ARHGAP39: variants seen among roughly 807,000 people sequenced by gnomAD.
ARHGAP39 encodes Rho GTPase activating protein 39.
In ARHGAP39, 44 loss-of-function variants were observed where a neutral mutation model predicts 106.9. The observed-to-expected ratio is 0.41, with a 90% CI of 0.32 to 0.53. The LOEUF (loss-of-function observed/expected upper bound fraction) is 0.53. Among genes scored for constraint, ARHGAP39 ranks in the 20% least tolerant of loss-of-function variants. The pLI is 0.21. For synonymous variants in ARHGAP39, 768 were observed against 693.2 expected, an observed-to-expected ratio of 1.11 and a Z score of -1.69; for missense variants, 1,496 against 1,577.3, an observed-to-expected ratio of 0.95 and a Z score of 0.87.
At chr8:144,583,825 T>C (rs1015871618) in intron 2 of ARHGAP39, among the ~76,000 whole-genome samples, 1 of 152,252 alleles carries the variant, frequency 6.6e-6, no homozygotes, top group African/African-American at 2.4e-5. Context: ...ATTATCTTCC[T>C]ATAAAATGGT....
In ARHGAP39 at chr8:144,580,878, C is replaced by G. The variant is rs117042905; in HGVS notation, c.480G>C (p.Ala160=). The change falls in exon 3 of 12, where the codon GCG becomes GCC. Residue 160 remains alanine (A), a synonymous_variant. Transcript: ENST00000377307. The part of the protein sequence containing the change: ...QELPARAGRP[A]AFGTVKEDSG... ...TGTCCTCCTTCACTGTCCCAAACGC[C>G]GCGGGCCGCCCGGCCCTCGCTGGCA... is the stretch of plus-strand genomic sequence containing the variant. The G allele has an allele frequency of 3.0e-5, 47 of 1,584,218 alleles. No individual in the cohort carries two copies. Among genetic ancestry groups the G allele is most frequent in the Non-Finnish European group, 3.9e-5 (46 of 1,171,222 alleles).
rs1419102486 is a variant in ARHGAP39 at position 144,646,899 on chromosome 8, G to C, written c.-82+38787C>G. On this transcript the variant is annotated intron_variant, in intron 1 of 11. Transcript: ENST00000377307. This position sits in a 1 kb window ranked among gnomAD's most constrained non-coding sequence, Gnocchi z 5.7. ...GAGGGCCCCAGTGCCCTGTGGTTGG[G>C]GTGGTGTTTCCTTCTGTCTCTCTCC... is the stretch of plus-strand genomic sequence containing the variant. Among the ~76,000 whole-genome samples the C allele has an allele frequency of 6.6e-6, 1 of 152,190 alleles. No individual in the cohort carries two copies. Among genetic ancestry groups the C allele is most frequent in the Non-Finnish European group, 1.5e-5 (1 of 68,030 alleles).
chr8:144,553,170 C>T lies in ARHGAP39; in HGVS notation c.596+2390G>A, dbSNP rs368583253. On this transcript the variant is annotated intron_variant, in intron 4 of 11. Transcript: ENST00000377307. ...AGCTGAGGATGGGATCTCCCACGAG[C>T]GGCCACAATGGGACCCTGGCACACT... Among the ~76,000 whole-genome samples the T allele has an allele frequency of 3.3e-4, 51 of 152,296 alleles. 1 individual carries two copies. The highest frequency in any genetic ancestry group is 1.6e-3 in the Admixed American group (25 of 15,310).
rs952071319 is a variant in ARHGAP39 at position 144,597,293 on chromosome 8, G to A, written c.80+8242C>T. On this transcript the variant is annotated intron_variant, in intron 2 of 11. Coordinates refer to ENST00000377307, the MANE Select transcript of ARHGAP39 (RefSeq NM_025251.3). Reference sequence around the variant, plus strand: ...ACCTCATCAAATCCCAGGACACTCTGCACCAGCAGCCACACCGCCCTACGC... The same window carrying A: ...ACCTCATCAAATCCCAGGACACTCTACACCAGCAGCCACACCGCCCTACGC... Among the ~76,000 whole-genome samples, 22 of 152,328 alleles carry A rather than the reference G, an allele frequency of 1.4e-4. No homozygotes were observed. In the East Asian group the frequency reaches 4.0e-3, roughly 28 times the overall value.
intron 1 of ARHGAP39, among the ~76,000 whole-genome samples, chr8:144,640,841 C>T (rs901688155): frequency 2.6e-5 from 4 of 152,252 alleles, no homozygotes; most frequent in African/African-American, 9.6e-5. Context: ...ATTAGATAAG[C>T]GTCCCACGAA....
chr8:144,630,759 G>T (rs1198183336), intron 1 of ARHGAP39, among the ~76,000 whole-genome samples: 1 of 152,272 alleles, frequency 6.6e-6, no homozygotes, highest in East Asian at 1.9e-4. Context: ...AGAGGTGCCA[G>T]TGAGGAGCTG....
rs574532445 is a variant in ARHGAP39 at position 144,580,836 on chromosome 8, C to T, written c.512+10G>A. The T allele has an allele frequency of 7.2e-6, 11 of 1,535,682 alleles. No individual in the cohort carries two copies. The African/African-American group carries it at 1.5e-4, about 21-fold the overall frequency. On this transcript the variant is annotated intron_variant, in intron 3 of 11. Transcript: ENST00000377307. Reference sequence around the variant, plus strand: ...CTGGCCCCGCCCATAGCAGCTGCCCCCGCCCTCACCTGCCGCTGTCCTCCT... The same window carrying T: ...CTGGCCCCGCCCATAGCAGCTGCCCTCGCCCTCACCTGCCGCTGTCCTCCT...
rs1263319235 is a variant in ARHGAP39 at position 144,641,778 on chromosome 8, C to T, written c.-81-36083G>A. Among the ~76,000 whole-genome samples, 1 of 152,260 alleles carries T rather than the reference C, an allele frequency of 6.6e-6. No individual in the cohort carries two copies. The highest frequency in any genetic ancestry group is 1.5e-5 in the Non-Finnish European group (1 of 68,046). On this transcript the variant is annotated intron_variant, in intron 1 of 11. Transcript: ENST00000377307. This position sits in a 1 kb window ranked among gnomAD's most constrained non-coding sequence, Gnocchi z 5.2. ...GGCCCCACAGGTACCCAAGAGTGTC[C>T]TCTGAAGCCAGTGCATTTACCCATC... is the stretch of plus-strand genomic sequence containing the variant.
rs1821445313 is a variant in ARHGAP39 at position 144,646,418 on chromosome 8, T to C, written c.-82+39268A>G. 6.6e-6 allele frequency among the ~76,000 whole-genome samples: 1 copy of C among 152,188 alleles called. No individual in the cohort carries two copies. The highest frequency in any genetic ancestry group is 6.5e-5 in the Admixed American group (1 of 15,290). On this transcript the variant is annotated intron_variant, in intron 1 of 11. Transcript: ENST00000377307. The surrounding 1 kb of genome is among the most constrained non-coding windows in gnomAD (Gnocchi z 5.7). ...CTTGGCTTCTGTTTGTTTTTAATCCTGTGAAAGTATCGATAGCCAAAAAAC... is the reference window on the plus strand; with the variant it reads ...CTTGGCTTCTGTTTGTTTTTAATCCCGTGAAAGTATCGATAGCCAAAAAAC...
At chr8:144,557,672 C>G (rs199848931) in intron 3 of ARHGAP39, among the ~76,000 whole-genome samples, 227 of 12,088 alleles carry the variant, frequency 0.019, no homozygotes, top group Admixed American at 0.028. Context: ...AGAGGCAAAG[C>G]CTGAACCTTC....
chr8:144,651,617 GA>G (rs1203029740), intron 1 of ARHGAP39, among the ~76,000 whole-genome samples: 6 of 152,088 alleles, frequency 3.9e-5, no homozygotes, highest in African/African-American at 1.4e-4. Context: ...TGAGGCAGGA[GA>G]ATCACTTGAA....
the ARHGAP39 span, among the ~76,000 whole-genome samples, chr8:144,694,278 G>T: frequency 2.0e-5 from 3 of 152,206 alleles, no homozygotes; most frequent in Admixed American, 6.5e-5. Flanking sequence ...CAGCCTTGGT[G>T]GTGCAGCAGT....
At chr8:144,555,725 G>A (rs1586900385) in intron 3 of ARHGAP39, 82 bp from the exon 4 acceptor site, 2 of 1,218,534 alleles carry the variant, frequency 1.6e-6, no homozygotes, top group Non-Finnish European at 2.4e-6. Context: ...TTAAGAATGT[G>A]GCACTGCCAC....
At chr8:144,568,333 CAAAAAAAAAAA>C (rs34670018) in intron 3 of ARHGAP39, among the ~76,000 whole-genome samples, 1 of 47,294 alleles carries the variant, frequency 2.1e-5, no homozygotes, top group African/African-American at 9.5e-5. Flanking sequence ...GACTCTGTCT[CAAAAAAAAAAA>C]AAAAAAAAAA....
At chr8:144,611,928 G>C (rs1820502578) in intron 1 of ARHGAP39, among the ~76,000 whole-genome samples, 1 of 151,628 alleles carries the variant, frequency 6.6e-6, no homozygotes, top group Non-Finnish European at 1.5e-5. Flanking sequence ...AGAATCGCCT[G>C]AATCTGGGAG....
intron 1 of ARHGAP39, among the ~76,000 whole-genome samples, chr8:144,619,968 G>A (rs1041509774): frequency 8.6e-5 from 13 of 150,538 alleles, no homozygotes; most frequent in Non-Finnish European, 1.9e-4. Context: ...GTGTGCGTGT[G>A]AGCCTGTGCA....
At chr8:144,678,214 G>A (rs1276068185) in intron 1 of ARHGAP39, among the ~76,000 whole-genome samples, 1 of 151,754 alleles carries the variant, frequency 6.6e-6, no homozygotes, top group Non-Finnish European at 1.5e-5. Context: ...AGGCTGCACT[G>A]AGCTGTGATC....
At chr8:144,540,083 A>G (rs563506561) in intron 6 of ARHGAP39, among the ~76,000 whole-genome samples, 1 of 152,342 alleles carries the variant, frequency 6.6e-6, no homozygotes, top group South Asian at 2.1e-4. Context: ...TTTACTGTAC[A>G]GGTCTTACAT....
intron 7 of ARHGAP39, among the ~76,000 whole-genome samples, chr8:144,534,564 T>A (rs1816878352): frequency 6.6e-6 from 1 of 152,180 alleles, no homozygotes; most frequent in African/African-American, 2.4e-5. Context: ...ATTTGACTCT[T>A]CTCTGCTTCA....
Sources: gnomAD v4.1 joint callset for allele counts (sites outside exome capture counted in the v4.1 genomes callset) on GRCh38, gnomAD v4.1.1 for gene constraint, Gnocchi (gnomAD v3.1) non-coding constraint, MANE v1.5 for transcripts, NCBI Gene and HGNC (gene_info 2026-07-23, HGNC 2026-07-21) for gene names.